The following KIF7 variants were observed in gnomAD, a reference collection of about 807,000 sequenced individuals.
The protein encoded by KIF7 is kinesin family member 7.
A neutral mutation model predicts 135.7 loss-of-function variants in KIF7; 104 were observed. The observed-to-expected ratio is 0.77, with a 90% CI of 0.65 to 0.90. The LOEUF (loss-of-function observed/expected upper bound fraction) is 0.90. KIF7 is among the 40% of genes least tolerant of loss of function. The probability of loss-of-function intolerance (pLI) is 0.00; values close to 1 mark genes in which losing one functional copy is unlikely to be tolerated. For missense variants in KIF7, 2,005 were observed against 1,839.1 expected, an observed-to-expected ratio of 1.09 and a Z score of -1.65; for synonymous variants, 883 against 809.4, an observed-to-expected ratio of 1.09 and a Z score of -1.54.
upstream of KIF7, among the ~76,000 whole-genome samples, chr15:89,658,411 C>A (rs1264872781): frequency 3.3e-5 from 5 of 151,878 alleles, no homozygotes; most frequent in Admixed American, 3.3e-4. Context: ...GATTACACCA[C>A]GGCACTCCAG....
chr15:89,649,741 C>G lies in KIF7; in HGVS notation c.529G>C (p.Val177Leu). 1.3e-6 allele frequency: 2 copies of G among 1,551,708 alleles called. No homozygotes were observed. The highest frequency in any genetic ancestry group is 1.7e-6 in the Non-Finnish European group (2 of 1,146,938). Residue 177 changes from valine (V) to leucine (L), a missense_variant and splice_region_variant, in exon 3 of 19, where the codon GTG (valine) becomes CTG (leucine). Physicochemically the swap from Val to Leu is conservative, Grantham distance 32 (BLOSUM62 1). Coordinates refer to ENST00000394412, the MANE Select transcript of KIF7 (RefSeq NM_198525.3). Reference protein sequence around the residue: ...QLREDERGNVVLCGVKEVDVE... With the variant: ...QLREDERGNVLLCGVKEVDVE... The stretch of plus-strand genomic sequence containing the variant: ...AGTGGAGGACCCCAGAGTTCCTCAC[C>G]AACATTCCCGCGCTCATCTTCCCGG...
rs1207873989 is a variant in KIF7, at chr15:89,645,016, T to G, written c.2188A>C (p.Thr730Pro). The G allele has an allele frequency of 1.2e-6, 2 of 1,608,084 alleles. No individual in the cohort carries two copies. Among genetic ancestry groups the G allele is most frequent in the Non-Finnish European group, 1.7e-6 (2 of 1,179,972 alleles). ...CCACCTGATGCCCACGCCTCACCTG[T>G]GCGGACCAGCTCGCCAATAAGCTCC... ...KEELIGELVRTGKAAQALNRQ... is the reference protein window; with the variant it reads ...KEELIGELVRPGKAAQALNRQ... Residue 730 changes from threonine (T) to proline (P), a missense_variant, in exon 10 of 19, where the codon ACA becomes CCA. Thr to Pro is a conservative substitution (Grantham distance 38). Transcript: ENST00000394412.
In KIF7 at chr15:89,646,835, C is replaced by T. The variant is rs771793486; in HGVS notation, c.1783G>A (p.Gly595Arg). 2 of 1,613,924 alleles carry T rather than the reference C, an allele frequency of 1.2e-6. No individual in the cohort carries two copies. Among genetic ancestry groups the T allele is most frequent in the Non-Finnish European group, 1.7e-6 (2 of 1,179,972 alleles). The change falls in exon 7 of 19, where the codon GGA becomes AGA. Residue 595 changes from glycine to arginine, a missense_variant. Transcript: ENST00000394412. ...CAGCCTCACCCTCTTCTCACCTCTC[C>T]CCTCTGCTCAGAGCCAACTTCATCT... ...PGDEVGSEQR[G>R]EQVTNGREAG...
chr15:89,623,688 T>A (rs1434533536), downstream of KIF7: 1 of 1,614,042 alleles, frequency 6.2e-7, no homozygotes, highest in South Asian at 1.1e-5. Context: ...GGATCTCTCA[T>A]ACACCACAAA....
intron 15 of KIF7, chr15:89,630,803 G>A (rs553517949): frequency 6.7e-5 from 32 of 474,338 alleles, no homozygotes; most frequent in South Asian, 6.2e-4. Context: ...AGGCACCACG[G>A]TGTCTGCTGG....
chr15:89,625,505 C>T (rs78573781), downstream of KIF7: 2,403 of 1,613,910 alleles, frequency 1.5e-3, 10 homozygotes, highest in African/African-American at 0.019. Flanking sequence ...ATCCACAGGA[C>T]GCCCATCTTG....
At chr15:89,651,061 A>C (rs1168761779) in intron 2 of KIF7, among the ~76,000 whole-genome samples, 2 of 152,122 alleles carry the variant, frequency 1.3e-5, no homozygotes, top group Non-Finnish European at 2.9e-5. Context: ...CCTCCTGAGT[A>C]GCTGGGATTA....
intron 5 of KIF7, 23 bp downstream of exon 5, chr15:89,648,220 CCCACAACCACAA>C: frequency 2.7e-6 from 4 of 1,479,624 alleles, no homozygotes; most frequent in Non-Finnish European, 3.6e-6. Flanking sequence ...CTCCCCACTG[CCCACAACCACAA>C]CCACAACCTG....
Position 89,628,347 on chromosome 15 carries a change from G to A in KIF7, c.*72C>T. 4 of 1,531,782 alleles carry A rather than the reference G, an allele frequency of 2.6e-6. No homozygotes were observed. In the South Asian group the frequency reaches 3.8e-5, roughly 15 times the overall value. 94.9% of individuals were successfully genotyped at this position (1,531,782 alleles called of 1,614,324 possible). ...TGTGCGGTAAGGACTGCCCTTCACA[G>A]AAGCAAAACAGGCAGCTGCCCCTTT... is the stretch of plus-strand genomic sequence containing the variant. On this transcript the variant is annotated 3_prime_UTR_variant, in exon 19 of 19. Coordinates refer to ENST00000394412, the MANE Select transcript of KIF7 (RefSeq NM_198525.3).
rs1342754120 is a variant in KIF7, at chr15:89,649,727, C to A, written c.529+14G>T. Reference sequence around the variant, plus strand: ...AGCCCCTCTCCGTCAGTGGAGGACCCCAGAGTTCCTCACCAACATTCCCGC... The same window carrying A: ...AGCCCCTCTCCGTCAGTGGAGGACCACAGAGTTCCTCACCAACATTCCCGC... On this transcript the variant is annotated intron_variant, in intron 3 of 18. Coordinates refer to ENST00000394412, the MANE Select transcript of KIF7 (RefSeq NM_198525.3). 6.4e-7 allele frequency: 1 copy of A among 1,551,160 alleles called. No homozygotes were observed. Among genetic ancestry groups the A allele is most frequent in the Non-Finnish European group, 8.7e-7 (1 of 1,146,570 alleles).
intron 1 of KIF7, among the ~76,000 whole-genome samples, chr15:89,622,419 T>C (rs1380982639): frequency 6.6e-6 from 1 of 152,224 alleles, no homozygotes; most frequent in African/African-American, 2.4e-5. Flanking sequence ...CAGAGTGATC[T>C]TTCTGAAACA....
At chr15:89,644,694 AAAG>A (rs1224837659) in intron 10 of KIF7, among the ~76,000 whole-genome samples, 2 of 150,512 alleles carry the variant, frequency 1.3e-5, no homozygotes, top group African/African-American at 5.0e-5. Flanking sequence ...AAAAAAAGAA[AAAG>A]AAGAAAAAAG....
At chr15:89,630,585 C>A (rs982551157) in intron 15 of KIF7, 92 bp from the exon 16 acceptor site, 2 of 1,121,898 alleles carry the variant, frequency 1.8e-6, no homozygotes, top group Non-Finnish European at 2.6e-6. Context: ...GTAGCCACAA[C>A]TGGGCCTTAA....
At chr15:89,623,069 A>G (rs142934256), downstream of KIF7, among the ~76,000 whole-genome samples, 2 of 152,362 alleles carry the variant, frequency 1.3e-5, no homozygotes, top group Non-Finnish European at 2.9e-5. Context: ...GGAGCTTTTC[A>G]CTACGTATTT....
chr15:89,630,488 C>T lies in KIF7; in HGVS notation c.3117G>A (p.Glu1039=), dbSNP rs140549999. ...CCTCATCCAACTGGAACAGCGTCCG[C>T]TCCTCCTGCAGAGACGGGCACGCGT... ...RQGSLLSPEE[E]RTLFQLDEAI... Residue 1039 remains glutamate (E), a synonymous_variant, in exon 16 of 19, where the codon GAG becomes GAA. Coordinates refer to ENST00000394412, the MANE Select transcript of KIF7 (RefSeq NM_198525.3). 4 of 1,523,984 alleles carry T rather than the reference C, an allele frequency of 2.6e-6. No homozygotes were observed. The African/African-American group carries it at 6.3e-5, about 24-fold the overall frequency. The allele number at this position is 1,523,984 out of a possible 1,614,324, so 94.4% of individuals were successfully genotyped here. A position where few individuals can be genotyped will look rare whatever the true frequency, so the allele number is the denominator to read the frequency against.
intron 14 of KIF7, among the ~76,000 whole-genome samples, chr15:89,631,918 CAG>C (rs942515748): frequency 6.6e-6 from 1 of 152,190 alleles, no homozygotes; most frequent in African/African-American, 2.4e-5. Context: ...GAGGGGCACT[CAG>C]AGATGGCGAG....
chr15:89,631,599 T>G lies in KIF7; in HGVS notation c.3007A>C (p.Ile1003Leu), dbSNP rs1335471018. 6.4e-7 allele frequency: 1 copy of G among 1,562,892 alleles called. No homozygotes were observed. The highest frequency in any genetic ancestry group is 1.4e-5 in the African/African-American group (1 of 73,502). The change falls in exon 15 of 19, where the codon ATC becomes CTC. Residue 1003 changes from isoleucine (I) to leucine (L), a missense_variant. Transcript: ENST00000394412. ...CGCAGGCTGTCGATCTCCCCGCGGA[T>G]CTGCTGCTGGCTCTGGGCGCTGCCC... ...RQGSAQSQQQ[I>L]RGEIDSLRQE...
chr15:89,631,613 T>C lies in KIF7; in HGVS notation c.2993A>G (p.Gln998Arg). The C allele has an allele frequency of 2.6e-6, 4 of 1,561,556 alleles. No homozygotes were observed. Among genetic ancestry groups the C allele is most frequent in the South Asian group, 1.2e-5 (1 of 85,138 alleles). The change falls in exon 15 of 19, where the codon CAG (glutamine) becomes CGG (arginine). Residue 998 changes from glutamine (Q) to arginine (R), a missense_variant. Physicochemically the swap from Gln to Arg is conservative, Grantham distance 43. Transcript: ENST00000394412. ...CTCCCCGCGGATCTGCTGCTGGCTC[T>C]GGGCGCTGCCCTGCCGCAGCTGCCC... ...KSGQLRQGSA[Q>R]SQQQIRGEID... is the part of the protein sequence containing the mutation.
intron 5 of KIF7, 34 bp from the exon 6 acceptor site, chr15:89,647,746 G>T: frequency 6.8e-7 from 1 of 1,471,516 alleles, no homozygotes; most frequent in Admixed American, 2.0e-5. Context: ...CAGGGGCGGG[G>T]GTTGACAGGG....
Sources: gnomAD v4.1 joint callset for allele counts (sites outside exome capture counted in the v4.1 genomes callset) on GRCh38, gnomAD v4.1.1 for gene constraint, MANE v1.5 for transcripts, NCBI Gene and HGNC (gene_info 2026-07-23, HGNC 2026-07-21) for gene names.